Variants in CFH observed in about 807,000 individuals in gnomAD.
The protein encoded by CFH is complement factor H, also known as H factor 1 (complement).
In CFH, 53 loss-of-function variants were observed where a neutral mutation model predicts 147.3. That is an observed-to-expected ratio of 0.36 (90% CI 0.29 to 0.45). The LOEUF (loss-of-function observed/expected upper bound fraction) is 0.45. CFH is among the 20% of genes least tolerant of loss of function. The pLI, the probability that CFH is intolerant of heterozygous loss-of-function variation, is 1.00. For missense variants in CFH, 1,380 were observed against 1,498.0 expected, an observed-to-expected ratio of 0.92 and a Z score of 1.30; for synonymous variants, 536 against 489.4, an observed-to-expected ratio of 1.10 and a Z score of -1.26.
intron 9 of CFH, among the ~76,000 whole-genome samples, chr1:196,704,804 G>T (rs772792279): frequency 6.6e-6 from 1 of 152,164 alleles, no homozygotes; most frequent in African/African-American, 2.4e-5. Context: ...GAGGATTATT[G>T]GTTTGTACAG....
chr1:196,740,169 C>T (rs1001355528), intron 17 of CFH, among the ~76,000 whole-genome samples: 8 of 152,164 alleles, frequency 5.3e-5, no homozygotes, highest in Non-Finnish European at 7.4e-5. Flanking sequence ...TTGCAATTCA[C>T]GATGAGATTT....
chr1:196,698,277 T>G (rs1411176449), intron 9 of CFH, among the ~76,000 whole-genome samples: 1 of 152,104 alleles, frequency 6.6e-6, no homozygotes, highest in South Asian at 2.1e-4. Flanking sequence ...AAAAAATCAA[T>G]GCACCCAGGA....
At position 196,690,177 on chromosome 1, in the gene CFH, C is replaced by T. The variant is rs748387954; in HGVS notation, c.1274C>T (p.Ala425Val). The T allele has an allele frequency of 7.4e-6, 12 of 1,613,296 alleles. No individual in the cohort carries two copies. The East Asian group carries it at 1.1e-4, about 15-fold the overall frequency. Residue 425 changes from alanine to valine, a missense_variant, in exon 9 of 22, where the codon GCG (alanine) becomes GTG (valine). Ala to Val is a moderately conservative substitution (Grantham distance 64, BLOSUM62 0). Transcript: ENST00000367429. ...CATCCTGGCTACGCTCTTCCAAAAG[C>T]GCAGACCACAGTTACATGTATGGAG... The part of the protein sequence containing the change: ...ACHPGYALPK[A>V]QTTVTCMENG...
chr1:196,745,037 C>G (rs1652952620), intron 20 of CFH, among the ~76,000 whole-genome samples: 1 of 152,134 alleles, frequency 6.6e-6, no homozygotes, highest in Non-Finnish European at 1.5e-5. Flanking sequence ...AACTCAGCAT[C>G]ATTTGAATTG....
At chr1:196,670,585 T>A (rs1164954540) in intron 1 of CFH, among the ~76,000 whole-genome samples, 3 of 152,160 alleles carry the variant, frequency 2.0e-5, no homozygotes. Flanking sequence ...AGGTCTTTCC[T>A]TCCCCTTCCA....
intron 5 of CFH, 77 bp from the exon 6 acceptor site, chr1:196,679,546 G>A (rs1667578787): frequency 3.5e-6 from 4 of 1,143,302 alleles, no homozygotes; most frequent in Non-Finnish European, 3.9e-6. Flanking sequence ...CAACATTTCT[G>A]TTTTCATATA....
Position 196,736,976 on chromosome 1 carries a change from G to A in CFH, c.2566G>A (p.Gly856Arg), listed in dbSNP as rs1184821060. ...AGGAGAAGAAATTACATGCAAAGAT[G>A]GAAGATGGCAGTCAATACCACTCTG... ...QEGEEITCKD[G>R]RWQSIPLCVE... The change falls in exon 16 of 22, where the codon GGA becomes AGA. Residue 856 changes from glycine (G) to arginine (R), a missense_variant. By Grantham distance (125) the Gly-to-Arg change is moderately radical. Coordinates refer to ENST00000367429, the MANE Select transcript of CFH (RefSeq NM_000186.4). 6.2e-7 allele frequency: 1 copy of A among 1,611,068 alleles called. No individual in the cohort carries two copies. The highest frequency in any genetic ancestry group is 1.7e-5 in the Admixed American group (1 of 59,882).
chr1:196,728,660 A>G lies in CFH; in HGVS notation c.2413+138A>G, dbSNP rs2149109425. 5.0e-6 allele frequency: 4 copies of G among 801,080 alleles called. No homozygotes were observed. The South Asian group carries it at 6.0e-5, about 12-fold the overall frequency. 49.6% of individuals were successfully genotyped at this position (801,080 alleles called of 1,614,324 possible). ...AAGGCAGGTAAACTAGAAACTAATGAAAACACTGTTCCTAATATTAACTGT... is the reference window on the plus strand; with the variant it reads ...AAGGCAGGTAAACTAGAAACTAATGGAAACACTGTTCCTAATATTAACTGT... On this transcript the variant is annotated intron_variant, in intron 15 of 21. Coordinates refer to ENST00000367429, the MANE Select transcript of CFH (RefSeq NM_000186.4).
chr1:196,680,161 G>T (rs1238700052), intron 6 of CFH, among the ~76,000 whole-genome samples: 4 of 151,648 alleles, frequency 2.6e-5, no homozygotes, highest in Admixed American at 1.3e-4. Flanking sequence ...TAAATTATAT[G>T]AATATTTTAA....
At chr1:196,714,668 T>TAGAGAGAGAGAGAG (rs1205328020) in intron 10 of CFH, among the ~76,000 whole-genome samples, 2 of 21,306 alleles carry the variant, frequency 9.4e-5, no homozygotes, top group African/African-American at 1.7e-4. Flanking sequence ...TATATATATA[T>TAGAGAGAGAGAGAG]AGAGAGAGAG....
chr1:196,658,757 A>G (rs1217180951), intron 1 of CFH, among the ~76,000 whole-genome samples: 2 of 151,924 alleles, frequency 1.3e-5, no homozygotes, highest in Non-Finnish European at 2.9e-5. Context: ...TTTTGTAGAG[A>G]CAGGGTTTCA....
intron 9 of CFH, among the ~76,000 whole-genome samples, chr1:196,704,580 T>C (rs191167097): frequency 3.3e-5 from 5 of 152,290 alleles, no homozygotes; most frequent in African/African-American, 1.2e-4. Context: ...TCCGGAAACA[T>C]GGGCAGATGG....
rs547338983 is a variant in CFH at position 196,737,481 on chromosome 1, T to A, written c.2603T>A (p.Ile868Asn). ...WQSIPLCVEK[I>N]PCSQPPQIEH... is the part of the protein sequence containing the mutation. ...ATTTTCATTCTTCATTTAGAAAAAA[T>A]TCCATGTTCACAACCACCTCAGATA... is the stretch of plus-strand genomic sequence containing the variant. Residue 868 changes from isoleucine (I) to asparagine (N), a missense_variant, in exon 17 of 22, where the codon ATT becomes AAT. Around this residue, in one of 4 missense-constraint regions of CFH, gnomAD observed 830 missense variants for 821.4 expected, o/e 1.01. Coordinates refer to ENST00000367429, the MANE Select transcript of CFH (RefSeq NM_000186.4). 1.1e-5 allele frequency: 17 copies of A among 1,611,078 alleles called. No individual in the cohort carries two copies. Among genetic ancestry groups the A allele is most frequent in the Non-Finnish European group, 1.4e-5 (17 of 1,177,932 alleles).
chr1:196,705,712 A>T (rs545655692), intron 9 of CFH, among the ~76,000 whole-genome samples: 46 of 152,282 alleles, frequency 3.0e-4, no homozygotes, highest in South Asian at 1.7e-3. Context: ...TCTCTGAGCC[A>T]CTGGCACCAC....
intron 7 of CFH, among the ~76,000 whole-genome samples, chr1:196,686,995 T>G (rs1015277826): frequency 2.6e-5 from 4 of 152,080 alleles, no homozygotes; most frequent in Admixed American, 6.6e-5. Flanking sequence ...AATTCACAAT[T>G]GGAATGATAC....
chr1:196,740,397 G>A (rs1652770694), intron 17 of CFH, among the ~76,000 whole-genome samples: 1 of 152,134 alleles, frequency 6.6e-6, no homozygotes, highest in Admixed American at 6.6e-5. Flanking sequence ...TTTCTGAAAT[G>A]TATTGCTATT....
At chr1:196,699,896 ACTTC>A (rs1668399941) in intron 9 of CFH, among the ~76,000 whole-genome samples, 1 of 152,154 alleles carries the variant, frequency 6.6e-6, no homozygotes, top group South Asian at 2.1e-4. Flanking sequence ...CCATTGACCC[ACTTC>A]CTTATAGCTG....
intron 14 of CFH, 49 bp downstream of exon 14, chr1:196,726,989 A>ATTG: frequency 9.7e-6 from 15 of 1,538,590 alleles, no homozygotes; most frequent in Non-Finnish European, 1.2e-5. Context: ...TAATATTTTT[A>ATTG]TTGTAACAAC....
intron 10 of CFH, among the ~76,000 whole-genome samples, chr1:196,714,639 A>ATG (rs1668808374): frequency 4.7e-5 from 1 of 21,420 alleles, no homozygotes; most frequent in Non-Finnish European, 7.8e-5. Context: ...ATATATGTAT[A>ATG]TATATATATA....
Sources: gnomAD v4.1 joint callset for allele counts (sites outside exome capture counted in the v4.1 genomes callset) on GRCh38, gnomAD v4.1.1 for gene constraint, gnomAD v4.1.1 regional missense constraint, MANE v1.5 for transcripts, NCBI Gene and HGNC (gene_info 2026-07-23, HGNC 2026-07-21) for gene names.